Variants in COL19A1 observed in about 807,000 individuals in gnomAD.
The protein encoded by COL19A1 is collagen type XIX alpha 1 chain.
Under a neutral mutation model 190.2 loss-of-function variants are expected in COL19A1, and 159 were observed. That is an observed-to-expected ratio of 0.84 (90% CI 0.73 to 0.95). The LOEUF (loss-of-function observed/expected upper bound fraction) is 0.95, where lower values mean the gene tolerates loss of function less well. Among genes scored for constraint, COL19A1 ranks in the 40% least tolerant of loss-of-function variants. The pLI, the probability that COL19A1 is intolerant of heterozygous loss-of-function variation, is 0.00. For synonymous variants in COL19A1, 509 were observed against 458.9 expected, an observed-to-expected ratio of 1.11 and a Z score of -1.39; for missense variants, 1,418 against 1,431.9, an observed-to-expected ratio of 0.99 and a Z score of 0.16.
chr6:69,877,097 ACTG>A (rs1409698499), intron 1 of COL19A1, among the ~76,000 whole-genome samples: 2 of 152,206 alleles, frequency 1.3e-5, no homozygotes, highest in Non-Finnish European at 2.9e-5. Context: ...GAATTTAGAC[ACTG>A]GTATAATGAA....
intron 19 of COL19A1, among the ~76,000 whole-genome samples, chr6:70,139,247 G>A (rs1254677612): frequency 6.6e-6 from 1 of 152,064 alleles, no homozygotes; most frequent in East Asian, 1.9e-4. Context: ...AGTAATGCTG[G>A]TGTTATTGGT....
intron 16 of COL19A1, among the ~76,000 whole-genome samples, chr6:70,109,776 G>A (rs1245629757): frequency 6.6e-6 from 1 of 152,078 alleles, no homozygotes; most frequent in Non-Finnish European, 1.5e-5. Context: ...AGTCTTGTCT[G>A]AATCCACTGG....
At chr6:69,971,781 T>C (rs1331661433) in intron 11 of COL19A1, among the ~76,000 whole-genome samples, 1 of 152,200 alleles carries the variant, frequency 6.6e-6, no homozygotes, top group East Asian at 1.9e-4. Flanking sequence ...AATTATAGTT[T>C]AAATCTGTCT....
At chr6:70,064,485 C>G (rs935974901) in intron 14 of COL19A1, among the ~76,000 whole-genome samples, 5 of 152,122 alleles carry the variant, frequency 3.3e-5, no homozygotes, top group African/African-American at 9.7e-5. Context: ...CTATTTATGA[C>G]AAACCCACAG....
intron 15 of COL19A1, among the ~76,000 whole-genome samples, chr6:70,071,645 T>C (rs932699432): frequency 6.6e-6 from 1 of 152,124 alleles, no homozygotes; most frequent in Admixed American, 6.6e-5. Flanking sequence ...ACATCCTTTA[T>C]GGATTCACAC....
chr6:70,057,735 A>G (rs1254669337), intron 14 of COL19A1, among the ~76,000 whole-genome samples: 1 of 152,096 alleles, frequency 6.6e-6, no homozygotes, highest in Non-Finnish European at 1.5e-5. Flanking sequence ...GTACTGCCAC[A>G]TAAGAAGTAA....
chr6:70,161,938 C>T lies in COL19A1; in HGVS notation c.2331C>T (p.Gly777=), dbSNP rs776305927. 1.9e-6 allele frequency: 3 copies of T among 1,604,964 alleles called. No individual in the cohort carries two copies. The highest frequency in any genetic ancestry group is 1.1e-5 in the South Asian group (1 of 89,752). The change falls in exon 35 of 51, where the codon GGC becomes GGT. Residue 777 remains glycine, a synonymous_variant. Coordinates refer to ENST00000620364, the MANE Select transcript of COL19A1 (RefSeq NM_001858.6). ...TTCCAGGCATTCCAGGTGCTCCAGG[C>T]CCGACTGGACCCCCTGTAAGTATTT... ...QGIPGIPGAP[G]PTGPPGLMGR... is the part of the protein sequence containing the mutation.
intron 42 of COL19A1, among the ~76,000 whole-genome samples, chr6:70,177,259 G>T (rs1376942293): frequency 2.6e-5 from 4 of 152,022 alleles, no homozygotes; most frequent in African/African-American, 9.7e-5. Flanking sequence ...TGCTCCTGCA[G>T]GGCAGGTCCA....
chr6:70,018,987 T>TG (rs779746032), intron 11 of COL19A1, among the ~76,000 whole-genome samples: 39 of 152,006 alleles, frequency 2.6e-4, no homozygotes, highest in Non-Finnish European at 4.9e-4. Flanking sequence ...TGAAAAGTAA[T>TG]GGGGAGGATT....
At chr6:69,932,714 G>A in intron 6 of COL19A1, 69 bp from the exon 7 acceptor site, 1 of 784,910 alleles carries the variant, frequency 1.3e-6, no homozygotes, top group South Asian at 1.7e-5. Context: ...TTAAATTACT[G>A]TAGTTCTTAA....
intron 7 of COL19A1, among the ~76,000 whole-genome samples, chr6:69,935,783 T>A (rs1162759260): frequency 2.6e-5 from 4 of 152,052 alleles, no homozygotes; most frequent in African/African-American, 9.7e-5. Flanking sequence ...GTTTGTTACA[T>A]AGGTAAACGT....
rs745441834 is a variant in COL19A1 at position 70,211,924 on chromosome 6, C to T, written c.*4650C>T. Among the ~76,000 whole-genome samples the T allele has an allele frequency of 2.0e-5, 3 of 152,128 alleles. No individual in the cohort carries two copies. The highest frequency in any genetic ancestry group is 3.9e-4 in the East Asian group (2 of 5,176). On this transcript the variant is annotated 3_prime_UTR_variant, in exon 51 of 51. Coordinates refer to ENST00000620364, the MANE Select transcript of COL19A1 (RefSeq NM_001858.6). ...GAAAATCTAAATGGAAAAAAAATTGCGTGTTCAGATCCAATAGTGAGTGAT... is the reference window on the plus strand; with the variant it reads ...GAAAATCTAAATGGAAAAAAAATTGTGTGTTCAGATCCAATAGTGAGTGAT...
At chr6:69,951,990 A>G (rs751049955) in intron 9 of COL19A1, among the ~76,000 whole-genome samples, 2 of 151,766 alleles carry the variant, frequency 1.3e-5, no homozygotes, top group Non-Finnish European at 2.9e-5. Context: ...TAGATCTTAA[A>G]TTTGTTTGCC....
chr6:70,145,044 A>C (rs762770535), intron 25 of COL19A1, 37 bp downstream of exon 25: 3 of 1,410,396 alleles, frequency 2.1e-6, no homozygotes, highest in Non-Finnish European at 2.9e-6. Context: ...TTTTCTTGCA[A>C]GTTCATTAAT....
At chr6:70,054,206 T>G (rs1780368181) in intron 14 of COL19A1, among the ~76,000 whole-genome samples, 3 of 151,982 alleles carry the variant, frequency 2.0e-5, no homozygotes, top group African/African-American at 7.2e-5. Context: ...AAAATTTAGC[T>G]GTGTGTGATG....
chr6:70,129,792 G>A (rs1465399929), intron 17 of COL19A1, among the ~76,000 whole-genome samples: 1 of 152,250 alleles, frequency 6.6e-6, no homozygotes, highest in Admixed American at 6.5e-5. Context: ...AGAGTCTAAT[G>A]TAGTGGTCTG....
At chr6:70,195,440 T>C (rs978074605) in intron 48 of COL19A1, among the ~76,000 whole-genome samples, 1 of 152,166 alleles carries the variant, frequency 6.6e-6, no homozygotes, top group Non-Finnish European at 1.5e-5. Context: ...GTCTTTACTC[T>C]CAGTCTGGTC....
intron 7 of COL19A1, among the ~76,000 whole-genome samples, chr6:69,933,530 C>T (rs1772914282): frequency 6.6e-6 from 1 of 152,080 alleles, no homozygotes; most frequent in Non-Finnish European, 1.5e-5. Context: ...TCATGTCTTT[C>T]TCTTAAGTGA....
chr6:70,157,949 C>A (rs1163346919), intron 34 of COL19A1, among the ~76,000 whole-genome samples: 1 of 152,128 alleles, frequency 6.6e-6, no homozygotes, highest in Non-Finnish European at 1.5e-5. Context: ...GGGCACTTTT[C>A]TCTCTTGGTG....
Sources: gnomAD v4.1 joint callset for allele counts (sites outside exome capture counted in the v4.1 genomes callset) on GRCh38, gnomAD v4.1.1 for gene constraint, MANE v1.5 for transcripts, NCBI Gene and HGNC (gene_info 2026-07-23, HGNC 2026-07-21) for gene names.